PTGES3: variants seen among roughly 807,000 people sequenced by gnomAD.
The protein encoded by PTGES3 is Hsp90 co-chaperone.
PTGES3 carries 5 observed loss-of-function variants against 29.9 expected under a neutral mutation model. That is an observed-to-expected ratio of 0.17 (90% confidence interval 0.09 to 0.35). PTGES3 has a LOEUF of 0.35. Ranked by LOEUF, PTGES3 falls within the 10% of genes least tolerant of loss-of-function variation. The pLI, the probability that PTGES3 is intolerant of heterozygous loss-of-function variation, is 1.00. For synonymous variants in PTGES3, 49 were observed against 57.8 expected, an observed-to-expected ratio of 0.85 and a Z score of 0.69; for missense variants, 128 against 190.0, an observed-to-expected ratio of 0.67 and a Z score of 1.92.
At position 56,687,548 on chromosome 12, in the gene PTGES3, C is replaced by T. The variant is rs563086966; in HGVS notation, c.2+450G>A. The stretch of plus-strand genomic sequence containing the variant: ...GGGCTCTCCCAGGAGCTCCGCCAGG[C>T]ACCTGGCGGCACCCACCACAGGTGC... On this transcript the variant is annotated intron_variant, in intron 1 of 7. Transcript: ENST00000262033. 8.9e-6 allele frequency: 9 copies of T among 1,010,504 alleles called. No individual in the cohort carries two copies. The African/African-American group carries it at 1.4e-4, about 15-fold the overall frequency. 62.6% of individuals were successfully genotyped at this position (1,010,504 alleles called of 1,614,324 possible). A position where few individuals can be genotyped will look rare whatever the true frequency, so the allele number is the denominator to read the frequency against.
At chr12:56,677,243 C>T (rs1187566026) in intron 1 of PTGES3, among the ~76,000 whole-genome samples, 1 of 146,190 alleles carries the variant, frequency 6.8e-6, no homozygotes, top group Non-Finnish European at 1.5e-5. Flanking sequence ...CTTCTCCGCA[C>T]CACCCAAAAA....
chr12:56,687,976 C>G (rs377227660), intron 1 of PTGES3, 22 bp downstream of exon 1: 2 of 1,601,592 alleles, frequency 1.2e-6, no homozygotes, highest in Non-Finnish European at 1.7e-6. Context: ...GCGACCTTCC[C>G]TCGGCGGGGT....
At chr12:56,669,839 T>C (rs531733011) in intron 5 of PTGES3, among the ~76,000 whole-genome samples, 131 of 151,778 alleles carry the variant, frequency 8.6e-4, no homozygotes, top group African/African-American at 3.0e-3. Flanking sequence ...CTAGATCTCC[T>C]GACCTCGTGA....
At chr12:56,674,945 G>A (rs1162514868) in intron 1 of PTGES3, among the ~76,000 whole-genome samples, 7 of 140,658 alleles carry the variant, frequency 5.0e-5, no homozygotes, top group Middle Eastern at 7.6e-3. Flanking sequence ...TGGAGGTTAC[G>A]GTGAGCCGAG....
In PTGES3 at chr12:56,673,023, G is replaced by A. The variant is rs1206862186; in HGVS notation, c.45C>T (p.Val15=). 4 of 1,609,332 alleles carry A rather than the reference G, an allele frequency of 2.5e-6. No homozygotes were observed. The African/African-American group carries it at 5.4e-5, about 22-fold the overall frequency. The change falls in exon 2 of 8, where the codon GTC becomes GTT. Residue 15 remains valine (V), a synonymous_variant. Coordinates refer to ENST00000262033, the MANE Select transcript of PTGES3 (RefSeq NM_006601.7). ...SAKWYDRRDY[V]FIEFCVEDSK... is the part of the protein sequence containing the mutation. ...TGTCTTCAACACAAAATTCAATGAAGACATAGTCCCTTCGATCGTACCACT... is the reference window on the plus strand; with the variant it reads ...TGTCTTCAACACAAAATTCAATGAAAACATAGTCCCTTCGATCGTACCACT...
intron 1 of PTGES3, 174 bp downstream of exon 1, chr12:56,687,824 A>C (rs1446255813): frequency 9.6e-6 from 14 of 1,452,334 alleles, no homozygotes; most frequent in Non-Finnish European, 1.2e-5. Flanking sequence ...TCTGGAGGAA[A>C]AATGTCCTCC....
intron 1 of PTGES3, among the ~76,000 whole-genome samples, chr12:56,677,292 T>A: frequency 6.6e-6 from 1 of 151,832 alleles, no homozygotes; most frequent in Admixed American, 6.6e-5. Context: ...AAACATTACC[T>A]TGAACAGCTT....
intron 6 of PTGES3, chr12:56,665,898 G>T: frequency 1.0e-6 from 1 of 981,326 alleles, no homozygotes; most frequent in Non-Finnish European, 1.2e-6. Flanking sequence ...TGGGATAACA[G>T]ACATGAGCCA....
rs1273321560 is a variant in PTGES3 at position 56,670,171 on chromosome 12, C to A, written c.375+104G>T. 4 of 702,676 alleles carry A rather than the reference C, an allele frequency of 5.7e-6. No homozygotes were observed. The East Asian group carries it at 7.9e-5, about 14-fold the overall frequency. The allele number at this position is 702,676 out of a possible 1,614,324, so 43.5% of individuals were successfully genotyped here. ...CAAAATGGTCTTAAAAATAAAATAA[C>A]ATGCATCATGAATACCATTAGGTGC... On this transcript the variant is annotated intron_variant, in intron 5 of 7. Transcript: ENST00000262033.
At chr12:56,685,399 CTTTTTTTT>C (rs143526249) in intron 1 of PTGES3, among the ~76,000 whole-genome samples, 6 of 131,180 alleles carry the variant, frequency 4.6e-5, no homozygotes, top group Non-Finnish European at 6.3e-5. Context: ...TTTTTCTTTT[CTTTTTTTT>C]TTTTTTTTTT....
chr12:56,672,812 G>A lies in PTGES3; in HGVS notation c.117-3C>T, dbSNP rs750736546. On this transcript the variant is annotated splice_polypyrimidine_tract_variant and splice_region_variant and intron_variant, in intron 2 of 7. Coordinates refer to ENST00000262033, the MANE Select transcript of PTGES3 (RefSeq NM_006601.7). The stretch of plus-strand genomic sequence containing the variant: ...AATTATCACTTCCTCCGAGACAACT[G>A]TATAAAATAATAAAGAAAGAATTAA... 6.3e-7 allele frequency: 1 copy of A among 1,574,898 alleles called. No homozygotes were observed. Among genetic ancestry groups the A allele is most frequent in the South Asian group, 1.2e-5 (1 of 84,960 alleles).
intron 1 of PTGES3, chr12:56,686,801 C>T (rs1436376137): frequency 1.3e-5 from 5 of 398,198 alleles, no homozygotes; most frequent in Admixed American, 4.4e-5. Flanking sequence ...CCTCACGCAT[C>T]CCTTTAGATT....
At chr12:56,666,833 C>T (rs1951807698) in intron 5 of PTGES3, among the ~76,000 whole-genome samples, 1 of 151,930 alleles carries the variant, frequency 6.6e-6, no homozygotes, top group African/African-American at 2.4e-5. Flanking sequence ...CACCATGTTG[C>T]CCAGGCTGGT....
intron 5 of PTGES3, 34 bp from the exon 6 acceptor site, chr12:56,666,300 A>T (rs199621030): frequency 2.0e-4 from 325 of 1,596,338 alleles, no homozygotes; most frequent in Non-Finnish European, 2.5e-4. Flanking sequence ...TTTAAAAATG[A>T]TGTTAAGTTA....
chr12:56,673,152 T>A, intron 1 of PTGES3, 87 bp from the exon 2 acceptor site: 2 of 790,718 alleles, frequency 2.5e-6, no homozygotes, highest in Middle Eastern at 2.4e-4. Context: ...TATAGCATTA[T>A]TTCAGGGCAG....
chr12:56,688,134 G>A lies in PTGES3; in HGVS notation c.-135C>T, dbSNP rs1351253079. The A allele has an allele frequency of 7.2e-7, 1 of 1,396,226 alleles. No homozygotes were observed. The highest frequency in any genetic ancestry group is 1.5e-5 in the African/African-American group (1 of 66,212). The allele number at this position is 1,396,226 out of a possible 1,614,324, so 86.5% of individuals were successfully genotyped here. On this transcript the variant is annotated 5_prime_UTR_variant, in exon 1 of 8. Transcript: ENST00000262033. ...CGCGGCCTCTTCTCGCTTCCCTCAG[G>A]CGACGGCGGCAGCGGCGGGCTCGAC...
rs542523069 is a variant in PTGES3 at position 56,677,755 on chromosome 12, G to A, written c.3-4690C>T. On this transcript the variant is annotated intron_variant, in intron 1 of 7. Transcript: ENST00000262033. ...TTTTAGAAGATGAAACTTAATGGAG[G>A]GGTTTGCAGTACAATCTCATATTGA... 2.0e-5 allele frequency among the ~76,000 whole-genome samples: 3 copies of A among 152,016 alleles called. No homozygotes were observed. In the South Asian group the frequency reaches 6.2e-4, roughly 32 times the overall value.
intron 1 of PTGES3, chr12:56,686,839 C>T: frequency 2.5e-6 from 1 of 398,198 alleles, no homozygotes; most frequent in South Asian, 1.3e-4. Context: ...GCCTCAGTAT[C>T]ATGACTTGAA....
chr12:56,686,895 C>G, intron 1 of PTGES3: 1 of 397,602 alleles, frequency 2.5e-6, no homozygotes, highest in Non-Finnish European at 4.4e-6. Context: ...AGTCACTCCC[C>G]TCTTCTCTCT....
Sources: allele counts gnomAD v4.1 joint callset (sites outside exome capture counted in the v4.1 genomes callset), GRCh38; gene constraint gnomAD v4.1.1; transcripts MANE v1.5; gene names NCBI Gene and HGNC (gene_info 2026-07-23, HGNC 2026-07-21).